ZHX2: variants seen among roughly 807,000 people sequenced by gnomAD.
ZHX2 encodes zinc fingers and homeoboxes protein 2.
ZHX2 carries 6 observed loss-of-function variants against 21.9 expected under a neutral mutation model. The observed-to-expected ratio is 0.27, with a 90% confidence interval of 0.15 to 0.54. The LOEUF (loss-of-function observed/expected upper bound fraction) is 0.54. Ranked by LOEUF, ZHX2 falls within the 20% of genes least tolerant of loss-of-function variation. ZHX2 has a pLI of 0.95. For synonymous variants in ZHX2, 434 were observed against 437.1 expected (o/e 0.99, Z 0.09); for missense variants, 908 against 1,090.7 (o/e 0.83, Z 2.36).
intron 2 of ZHX2, among the ~76,000 whole-genome samples, chr8:122,894,757 T>G (rs1055891947): frequency 2.6e-5 from 4 of 152,126 alleles, no homozygotes; most frequent in African/African-American, 9.7e-5. Context: ...GTAACAAACC[T>G]GTACATTGTG....
chr8:122,875,293 A>G (rs2129731173), intron 2 of ZHX2, among the ~76,000 whole-genome samples: 1 of 151,462 alleles, frequency 6.6e-6, no homozygotes, highest in Admixed American at 6.6e-5. Context: ...GTGGGCTAAG[A>G]ATGGTATTGT....
At chr8:122,798,595 C>T (rs968648172) in intron 1 of ZHX2, among the ~76,000 whole-genome samples, 1 of 152,060 alleles carries the variant, frequency 6.6e-6, no homozygotes, top group African/African-American at 2.4e-5. Context: ...GAGTTCAAGA[C>T]CATCCTGGCC....
At chr8:122,872,138 T>A (rs1819457284) in intron 2 of ZHX2, among the ~76,000 whole-genome samples, 1 of 152,136 alleles carries the variant, frequency 6.6e-6, no homozygotes, top group South Asian at 2.1e-4. Flanking sequence ...AGAAAAAAGA[T>A]GCACAGACAG....
At chr8:122,924,744 G>A (rs940080910) in intron 2 of ZHX2, among the ~76,000 whole-genome samples, 10 of 152,262 alleles carry the variant, frequency 6.6e-5, no homozygotes, top group East Asian at 1.9e-4. Flanking sequence ...TGAATGAACC[G>A]ATTGGCCCAT....
intron 2 of ZHX2, among the ~76,000 whole-genome samples, chr8:122,921,140 C>T (rs1159572629): frequency 6.6e-6 from 1 of 152,002 alleles, no homozygotes; most frequent in African/African-American, 2.4e-5. Flanking sequence ...AGTGCGTTGG[C>T]GTGATCTCTG....
At chr8:122,891,736 A>G (rs1374332110) in intron 2 of ZHX2, among the ~76,000 whole-genome samples, 1 of 152,152 alleles carries the variant, frequency 6.6e-6, no homozygotes, top group Non-Finnish European at 1.5e-5. Flanking sequence ...TTCAGTTTCC[A>G]AAGTTTTTGT....
rs186985135 is a variant in ZHX2, at chr8:122,792,239, A to G, written c.-283+10293A>G. ...GCACATTTTATATAGGTGAAATCATACACCATGTGGTCTTTTGTCTGGCTT... is the reference window on the plus strand; with the variant it reads ...GCACATTTTATATAGGTGAAATCATGCACCATGTGGTCTTTTGTCTGGCTT... On this transcript the variant is annotated intron_variant, in intron 1 of 3. Transcript: ENST00000314393. Among the ~76,000 whole-genome samples the G allele has an allele frequency of 6.6e-5, 10 of 152,292 alleles. No individual in the cohort carries two copies. In the East Asian group the frequency reaches 1.7e-3, roughly 26 times the overall value.
chr8:122,842,331 A>C (rs560043544), intron 1 of ZHX2, among the ~76,000 whole-genome samples: 3 of 152,182 alleles, frequency 2.0e-5, no homozygotes, highest in Non-Finnish European at 4.4e-5. Flanking sequence ...TACCACATCC[A>C]TCCCTGAGTT....
At chr8:122,832,184 G>A (rs764429497) in intron 1 of ZHX2, among the ~76,000 whole-genome samples, 6 of 152,184 alleles carry the variant, frequency 3.9e-5, no homozygotes, top group East Asian at 3.9e-4. Flanking sequence ...ATGGTTAGAC[G>A]GTGATGTGGG....
chr8:122,910,158 C>A (rs1482251303), intron 2 of ZHX2, among the ~76,000 whole-genome samples: 2 of 151,072 alleles, frequency 1.3e-5, no homozygotes, highest in Non-Finnish European at 2.9e-5. Flanking sequence ...CAGAGCTGGA[C>A]AAAAGACTAG....
chr8:122,908,659 A>G (rs946388442), intron 2 of ZHX2, among the ~76,000 whole-genome samples: 7 of 149,756 alleles, frequency 4.7e-5, no homozygotes, highest in Admixed American at 3.3e-4. Context: ...TGTAACAAAT[A>G]TCTTTCTCAT....
chr8:122,843,620 G>T (rs571749665), intron 1 of ZHX2, among the ~76,000 whole-genome samples: 1 of 152,330 alleles, frequency 6.6e-6, no homozygotes, highest in South Asian at 2.1e-4. Flanking sequence ...ACGGTGAACT[G>T]CTGCCGGATC....
chr8:122,886,832 C>A (rs552490134), intron 2 of ZHX2, among the ~76,000 whole-genome samples: 1 of 152,118 alleles, frequency 6.6e-6, no homozygotes, highest in Non-Finnish European at 1.5e-5. Flanking sequence ...ATGAGCACTT[C>A]CTGAGGTCCA....
chr8:122,956,011 A>T (rs943225824), intron 3 of ZHX2, among the ~76,000 whole-genome samples: 2 of 151,756 alleles, frequency 1.3e-5, no homozygotes, highest in Admixed American at 1.3e-4. Context: ...CACCCGGCTA[A>T]TTTTCATATT....
intron 2 of ZHX2, among the ~76,000 whole-genome samples, chr8:122,902,691 T>C (rs1023030359): frequency 2.0e-5 from 3 of 152,188 alleles, no homozygotes; most frequent in Non-Finnish European, 4.4e-5. Context: ...ATGATCATAG[T>C]ATTTACCCCA....
intron 3 of ZHX2, among the ~76,000 whole-genome samples, chr8:122,961,854 G>T (rs1227203332): frequency 1.3e-5 from 2 of 152,082 alleles, no homozygotes; most frequent in Non-Finnish European, 2.9e-5. Flanking sequence ...CCTAGAGCAG[G>T]GTTCTAGCAT....
At position 122,953,758 on chromosome 8, in the gene ZHX2, A is replaced by G. The variant is rs753967807; in HGVS notation, c.2248A>G (p.Lys750Glu). ...EDLEKLVTRV[K>E]VGSEPAKDCL... Reference sequence around the variant, plus strand: ...CTTGGAGAAGTTGGTGACCAGGGTAAAAGTAGGCAGCGAGCCAGCAAAAGA... The same window carrying G: ...CTTGGAGAAGTTGGTGACCAGGGTAGAAGTAGGCAGCGAGCCAGCAAAAGA... The change falls in exon 3 of 4, where the codon AAA (lysine) becomes GAA (glutamate). Residue 750 changes from lysine (K) to glutamate (E), a missense_variant. By Grantham distance (56) the Lys-to-Glu change is moderately conservative. This residue lies in a region of ZHX2 where 431 missense variants were observed against 428.6 expected (regional missense o/e 1.01). Transcript: ENST00000314393. This position sits in a 1 kb window ranked among gnomAD's most constrained non-coding sequence, Gnocchi z 4.6. 6.2e-7 allele frequency: 1 copy of G among 1,614,128 alleles called. No individual in the cohort carries two copies. The highest frequency in any genetic ancestry group is 1.3e-5 in the African/African-American group (1 of 74,946).
Position 122,951,566 on chromosome 8 carries a change from T to C in ZHX2, c.56T>C (p.Val19Ala), listed in dbSNP as rs201285505. The change falls in exon 3 of 4, where the codon GTA becomes GCA. Residue 19 changes from valine to alanine, a missense_variant. Physicochemically the swap from Val to Ala is moderately conservative, Grantham distance 64 (BLOSUM62 0). Transcript: ENST00000314393. The stretch of plus-strand genomic sequence containing the variant: ...TGCATGGTTCGGACATCACAAGTAG[T>C]AGAACAAGATGTGCCCGAGGAAGTA... ...TPCMVRTSQV[V>A]EQDVPEEVDR... The C allele has an allele frequency of 3.1e-6, 5 of 1,613,108 alleles. No homozygotes were observed. Among genetic ancestry groups the C allele is most frequent in the Middle Eastern group, 1.6e-4 (1 of 6,062 alleles).
chr8:122,921,709 A>C (rs1006238588), intron 2 of ZHX2, among the ~76,000 whole-genome samples: 20 of 152,104 alleles, frequency 1.3e-4, no homozygotes, highest in Non-Finnish European at 2.4e-4. Context: ...GAAGGAGAAA[A>C]TGGCAACTAT....
Sources: allele counts gnomAD v4.1 joint callset (sites outside exome capture counted in the v4.1 genomes callset), GRCh38; gene constraint gnomAD v4.1.1; regional missense constraint gnomAD v4.1.1; non-coding constraint Gnocchi (gnomAD v3.1); transcripts MANE v1.5; gene names NCBI Gene and HGNC (gene_info 2026-07-23, HGNC 2026-07-21).